Variants in LPXN observed in about 807,000 individuals in gnomAD.
LPXN encodes leupaxin.
In LPXN, 28 loss-of-function variants were observed where a neutral mutation model predicts 45.6. The observed-to-expected ratio is 0.61, with a 90% CI of 0.45 to 0.84. The LOEUF is 0.84. Ranked by LOEUF, LPXN falls within the 40% of genes least tolerant of loss-of-function variation. The pLI is 0.00. For synonymous variants in LPXN, 166 were observed against 169.9 expected, an observed-to-expected ratio of 0.98 and a Z score of 0.18; for missense variants, 459 against 475.0, an observed-to-expected ratio of 0.97 and a Z score of 0.31.
chr11:58,570,426 T>A (rs1305616586), intron 2 of LPXN, 130 bp downstream of exon 2: 2 of 598,970 alleles, frequency 3.3e-6, no homozygotes, highest in Admixed American at 2.8e-5. Context: ...TAGATTAACA[T>A]TGAGGCATTA....
chr11:58,534,919 G>C (rs974986370), intron 7 of LPXN, among the ~76,000 whole-genome samples: 1 of 152,134 alleles, frequency 6.6e-6, no homozygotes, highest in African/African-American at 2.4e-5. Flanking sequence ...AGAAAATCTA[G>C]AAGAAATGGA....
intron 7 of LPXN, among the ~76,000 whole-genome samples, chr11:58,531,425 A>C (rs1275856373): frequency 6.6e-6 from 1 of 151,964 alleles, no homozygotes; most frequent in African/African-American, 2.4e-5. Flanking sequence ...AAGTATCAAT[A>C]GCTGAATTGA....
At chr11:58,547,948 A>C (rs1590548578) in intron 7 of LPXN, among the ~76,000 whole-genome samples, 1 of 152,160 alleles carries the variant, frequency 6.6e-6, no homozygotes, top group Admixed American at 6.5e-5. Context: ...CAAACATAAA[A>C]AGGAGAAATT....
chr11:58,574,572 C>G (rs1222077522), intron 1 of LPXN, among the ~76,000 whole-genome samples: 1 of 151,604 alleles, frequency 6.6e-6, no homozygotes, highest in East Asian at 1.9e-4. Context: ...TCCATCCCCC[C>G]CAAAAAAAAG....
Position 58,575,846 on chromosome 11 carries a change from G to T in LPXN, c.-74C>A. ...TTGGCATGTGCTGAAGAAGAGGACC[G>T]CAAAGGAACTGGATGAGACAGCATA... On this transcript the variant is annotated 5_prime_UTR_variant, in exon 1 of 9. Transcript: ENST00000395074. 3 of 1,613,786 alleles carry T rather than the reference G, an allele frequency of 1.9e-6. No individual in the cohort carries two copies. Among genetic ancestry groups the T allele is most frequent in the Non-Finnish European group, 1.7e-6 (2 of 1,179,852 alleles).
At chr11:58,549,225 C>T (rs1467676309) in intron 7 of LPXN, among the ~76,000 whole-genome samples, 8 of 152,118 alleles carry the variant, frequency 5.3e-5, no homozygotes, top group Admixed American at 5.2e-4. Context: ...GAAACATTGT[C>T]CCTACTAAAA....
At chr11:58,539,002 A>AAAT (rs113298672) in intron 7 of LPXN, among the ~76,000 whole-genome samples, 3 of 151,948 alleles carry the variant, frequency 2.0e-5, no homozygotes, top group Admixed American at 2.0e-4. Context: ...TCTTTAAAAA[A>AAAT]AACAACAACA....
chr11:58,564,307 G>A (rs1854465568), intron 2 of LPXN, 106 bp from the exon 3 acceptor site: 5 of 746,012 alleles, frequency 6.7e-6, no homozygotes, highest in Middle Eastern at 2.5e-4. Context: ...GCTTTTAAAG[G>A]GGACTGACAA....
At chr11:58,537,070 A>C (rs917843624) in intron 7 of LPXN, among the ~76,000 whole-genome samples, 5 of 136,800 alleles carry the variant, frequency 3.7e-5, no homozygotes, top group African/African-American at 1.3e-4. Context: ...GTGGGAGTGT[A>C]AATTAGTTCA....
upstream of LPXN, among the ~76,000 whole-genome samples, chr11:58,576,234 T>C (rs1323248811): frequency 6.6e-6 from 1 of 152,078 alleles, no homozygotes; most frequent in Non-Finnish European, 1.5e-5. Flanking sequence ...CTTCTTAAAA[T>C]TTGCATCAGA....
In LPXN at chr11:58,574,552, C is replaced by T. The variant is rs183443825; in HGVS notation, c.13+1208G>A. ...TGAATTATTTGCCATGAAAGCCTTT[C>T]GGTGTCCCCTCCATCCCCCCCAAAA... On this transcript the variant is annotated intron_variant, in intron 1 of 8. Coordinates refer to ENST00000395074, the MANE Select transcript of LPXN (RefSeq NM_004811.3). 2.3e-3 allele frequency among the ~76,000 whole-genome samples: 344 copies of T among 152,020 alleles called. 6 individuals carry two copies. The Middle Eastern group carries it at 0.031, about 14-fold the overall frequency.
chr11:58,569,289 T>C (rs944076172), intron 2 of LPXN, among the ~76,000 whole-genome samples: 2 of 152,248 alleles, frequency 1.3e-5, no homozygotes, highest in Admixed American at 1.3e-4. Flanking sequence ...TGTACGTCCA[T>C]ATAGACTTAT....
intron 3 of LPXN, among the ~76,000 whole-genome samples, chr11:58,559,547 T>C (rs1854309687): frequency 6.6e-6 from 1 of 152,070 alleles, no homozygotes; most frequent in Non-Finnish European, 1.5e-5. Context: ...ACAAACATTG[T>C]TAGTGTAAAA....
chr11:58,542,733 T>C (rs981881745), intron 7 of LPXN, among the ~76,000 whole-genome samples: 2 of 152,062 alleles, frequency 1.3e-5, no homozygotes, highest in East Asian at 1.9e-4. Flanking sequence ...AAAACTATTA[T>C]GAAATTATGA....
chr11:58,533,271 A>C (rs1853450205), intron 7 of LPXN, among the ~76,000 whole-genome samples: 1 of 152,190 alleles, frequency 6.6e-6, no homozygotes, highest in African/African-American at 2.4e-5. Context: ...AGTGCAGCCA[A>C]AGAGAAAGGT....
intron 7 of LPXN, among the ~76,000 whole-genome samples, chr11:58,532,931 C>A (rs1853438599): frequency 2.0e-5 from 3 of 152,192 alleles, no homozygotes; most frequent in Admixed American, 2.0e-4. Flanking sequence ...CGAAGGTCTG[C>A]AGCTTCACTC....
intron 7 of LPXN, among the ~76,000 whole-genome samples, chr11:58,540,027 TG>T (rs1471132198): frequency 1.2e-4 from 18 of 152,250 alleles, no homozygotes; most frequent in African/African-American, 3.6e-4. Flanking sequence ...CCTCTTGATG[TG>T]ATTCAACAAG....
intron 7 of LPXN, among the ~76,000 whole-genome samples, chr11:58,544,545 G>A (rs1853824268): frequency 6.6e-6 from 1 of 152,124 alleles, no homozygotes; most frequent in Non-Finnish European, 1.5e-5. Context: ...GGATAGCAGG[G>A]GAGTAACAGC....
At chr11:58,547,886 G>A (rs1853922779) in intron 7 of LPXN, among the ~76,000 whole-genome samples, 1 of 151,962 alleles carries the variant, frequency 6.6e-6, no homozygotes, top group Admixed American at 6.6e-5. Context: ...ATTCTAAAAG[G>A]ACAGGAGAAA....
Sources: allele counts gnomAD v4.1 joint callset (sites outside exome capture counted in the v4.1 genomes callset), GRCh38; gene constraint gnomAD v4.1.1; transcripts MANE v1.5; gene names NCBI Gene and HGNC (gene_info 2026-07-23, HGNC 2026-07-21).